CDH9: variants seen among roughly 807,000 people sequenced by gnomAD.
CDH9 encodes the protein cadherin-9.
CDH9 carries 28 observed loss-of-function variants against 70.9 expected under a neutral mutation model. That is an observed-to-expected ratio of 0.40 (90% CI 0.29 to 0.54). CDH9 has a LOEUF of 0.54. Ranked by LOEUF, CDH9 falls within the 20% of genes least tolerant of loss-of-function variation. CDH9 has a pLI of 0.59. For missense variants in CDH9, 874 were observed against 984.4 expected, an observed-to-expected ratio of 0.89 and a Z score of 1.50; for synonymous variants, 409 against 343.1, an observed-to-expected ratio of 1.19 and a Z score of -2.12.
intron 1 of CDH9, among the ~76,000 whole-genome samples, chr5:27,035,610 T>G (rs1482834215): frequency 6.6e-6 from 1 of 151,424 alleles, no homozygotes; most frequent in Non-Finnish European, 1.5e-5. Flanking sequence ...AGAAACTAAC[T>G]AGAGTTTTTA....
At chr5:26,992,515 C>T (rs1742594097) in intron 1 of CDH9, among the ~76,000 whole-genome samples, 1 of 152,136 alleles carries the variant, frequency 6.6e-6, no homozygotes, top group African/African-American at 2.4e-5. Context: ...TCCCAGGCTT[C>T]AGTACAGTGA....
rs1268611564 is a variant in CDH9, at chr5:26,883,072, T to G, written c.1883-1449A>C. ...ATATATATATATATATATATATATA[T>G]ATATATATATATATATATATATAAA... On this transcript the variant is annotated intron_variant, in intron 11 of 11. Coordinates refer to ENST00000231021, the MANE Select transcript of CDH9 (RefSeq NM_016279.4). Among the ~76,000 whole-genome samples, 109 of 129,240 alleles carry G rather than the reference T, an allele frequency of 8.4e-4. 6 individuals are homozygous for G. The highest frequency in any genetic ancestry group is 1.9e-3 in the Admixed American group (25 of 12,974). 84.8% of individuals were successfully genotyped at this position (129,240 alleles called of 152,430 possible).
intron 11 of CDH9, among the ~76,000 whole-genome samples, chr5:26,883,733 A>G (rs1740513603): frequency 6.6e-6 from 1 of 152,060 alleles, no homozygotes; most frequent in African/African-American, 2.4e-5. Flanking sequence ...TTTTACTCTA[A>G]TAAATTTAAA....
At chr5:26,943,771 A>T (rs1289025540) in intron 2 of CDH9, among the ~76,000 whole-genome samples, 2 of 152,170 alleles carry the variant, frequency 1.3e-5, no homozygotes, top group African/African-American at 4.8e-5. Context: ...ACTTTCTAAA[A>T]CATATGCCTC....
intron 2 of CDH9, among the ~76,000 whole-genome samples, chr5:26,921,443 C>T (rs1741241885): frequency 6.6e-6 from 1 of 152,130 alleles, no homozygotes; most frequent in Admixed American, 6.5e-5. Flanking sequence ...ACACTGGACC[C>T]ACACATGCAC....
intron 1 of CDH9, among the ~76,000 whole-genome samples, chr5:27,014,935 C>A (rs576938742): frequency 2.6e-5 from 4 of 151,774 alleles, no homozygotes; most frequent in African/African-American, 4.8e-5. Flanking sequence ...TGTAGAAATA[C>A]GATCTGGTTT....
intron 7 of CDH9, among the ~76,000 whole-genome samples, chr5:26,901,867 C>T (rs1740860101): frequency 6.6e-6 from 1 of 151,784 alleles, no homozygotes; most frequent in African/African-American, 2.4e-5. Flanking sequence ...TTTTACCTTT[C>T]TTATTCACTT....
chr5:26,978,019 A>T (rs1742331760), intron 2 of CDH9, among the ~76,000 whole-genome samples: 1 of 152,140 alleles, frequency 6.6e-6, no homozygotes, highest in African/African-American at 2.4e-5. Flanking sequence ...CCTACACAGG[A>T]TCAAAGTAGC....
intron 1 of CDH9, among the ~76,000 whole-genome samples, chr5:27,031,332 A>C (rs1270336413): frequency 6.6e-6 from 1 of 151,910 alleles, no homozygotes; most frequent in Non-Finnish European, 1.5e-5. Flanking sequence ...TATAGAACAA[A>C]ATATTATTTT....
intron 2 of CDH9, among the ~76,000 whole-genome samples, chr5:26,968,275 T>C (rs1742161766): frequency 6.8e-6 from 1 of 147,318 alleles, no homozygotes; most frequent in Non-Finnish European, 1.5e-5. Context: ...ATTGATGGTG[T>C]CTGAGGTATT....
intron 2 of CDH9, among the ~76,000 whole-genome samples, chr5:26,958,539 T>C (rs1042089598): frequency 1.3e-5 from 2 of 152,056 alleles, no homozygotes; most frequent in Non-Finnish European, 2.9e-5. Context: ...TAATATCAGT[T>C]ATAGATATAA....
At chr5:27,009,868 G>T (rs1742927954) in intron 1 of CDH9, among the ~76,000 whole-genome samples, 1 of 152,002 alleles carries the variant, frequency 6.6e-6, no homozygotes, top group Non-Finnish European at 1.5e-5. Flanking sequence ...TTCTATAGTT[G>T]TTTTCTTACT....
intron 1 of CDH9, among the ~76,000 whole-genome samples, chr5:27,001,201 A>G (rs1742761304): frequency 6.6e-6 from 1 of 152,150 alleles, no homozygotes; most frequent in Non-Finnish European, 1.5e-5. Flanking sequence ...ATCTAACTGT[A>G]TTATAAATGT....
rs961788778 is a variant in CDH9, at chr5:26,943,238, G to A, written c.229-27314C>T. 9.9e-5 allele frequency among the ~76,000 whole-genome samples: 15 copies of A among 152,238 alleles called. 1 individual carries two copies. Among genetic ancestry groups the A allele is most frequent in the Middle Eastern group, 3.4e-3 (1 of 294 alleles). On this transcript the variant is annotated intron_variant, in intron 2 of 11. Transcript: ENST00000231021. The stretch of plus-strand genomic sequence containing the variant: ...AAAATAGCTAACTCAGGGGTGGGGC[G>A]CGGTAGCTTATGCCTGCAATCCCAG...
At chr5:26,951,915 T>A (rs1458428746) in intron 2 of CDH9, among the ~76,000 whole-genome samples, 1 of 151,974 alleles carries the variant, frequency 6.6e-6, no homozygotes, top group African/African-American at 2.4e-5. Flanking sequence ...ATGGCTCACA[T>A]GTTTGTCCCC....
intron 2 of CDH9, among the ~76,000 whole-genome samples, chr5:26,921,925 G>A (rs143890338): frequency 1.7e-4 from 26 of 151,674 alleles, no homozygotes; most frequent in African/African-American, 6.3e-4. Flanking sequence ...CTGAAAAAAT[G>A]CACACTGAAG....
chr5:26,912,218 C>A (rs1437395288), intron 3 of CDH9, among the ~76,000 whole-genome samples: 1 of 151,826 alleles, frequency 6.6e-6, no homozygotes, highest in Non-Finnish European at 1.5e-5. Context: ...ATTCTTAATT[C>A]TTTGATTATG....
chr5:26,948,124 C>G (rs1655957594), intron 2 of CDH9, among the ~76,000 whole-genome samples: 1 of 152,044 alleles, frequency 6.6e-6, no homozygotes, highest in Non-Finnish European at 1.5e-5. Flanking sequence ...CAAAGGGAGA[C>G]TTAATTTATT....
rs112052103 is a variant in CDH9 at position 26,885,018 on chromosome 5, A to G, written c.1882+596T>C. 3.4e-3 allele frequency among the ~76,000 whole-genome samples: 518 copies of G among 152,328 alleles called. 4 individuals are homozygous for G. Among genetic ancestry groups the G allele is most frequent in the African/African-American group, 0.012 (500 of 41,584 alleles). On this transcript the variant is annotated intron_variant, in intron 11 of 11. Coordinates refer to ENST00000231021, the MANE Select transcript of CDH9 (RefSeq NM_016279.4). ...TTGTTATGTCACACCAATGCACAAC[A>G]AGTTATATAGGGGAAAATGTCTAAC...
Sources: allele counts gnomAD v4.1 joint callset (sites outside exome capture counted in the v4.1 genomes callset), GRCh38; gene constraint gnomAD v4.1.1; transcripts MANE v1.5; gene names NCBI Gene and HGNC (gene_info 2026-07-23, HGNC 2026-07-21).